SREBF1: variants seen among roughly 807,000 people sequenced by gnomAD.
SREBF1 encodes sterol regulatory element binding transcription factor 1.
A neutral mutation model predicts 100.1 loss-of-function variants in SREBF1; 45 were observed. That is an observed-to-expected ratio of 0.45 (90% CI 0.35 to 0.58). SREBF1 has a LOEUF of 0.58. Among genes scored for constraint, SREBF1 ranks in the 20% least tolerant of loss-of-function variants. SREBF1 has a pLI of 0.00. For synonymous variants in SREBF1, 657 were observed against 681.8 expected (o/e 0.96, Z 0.57); for missense variants, 1,324 against 1,539.4 (o/e 0.86, Z 2.34).
chr17:17,836,560 G>GGAGGCTCGGT (rs1171235789), intron 1 of SREBF1, among the ~76,000 whole-genome samples, 167 bp downstream of exon 1: 18 of 152,172 alleles, frequency 1.2e-4, no homozygotes. Context: ...CGGGAACCAG[G>GGAGGCTCGGT]GAGGCTCGGT....
At chr17:17,815,659 A>G (rs569500037) in intron 12 of SREBF1, 107 of 625,764 alleles carry the variant, frequency 1.7e-4, no homozygotes, top group Non-Finnish European at 2.7e-4. Flanking sequence ...CTGCCCATCA[A>G]TCCCTGCATG....
intron 1 of SREBF1, among the ~76,000 whole-genome samples, chr17:17,833,438 A>G (rs2035007251): frequency 8.0e-6 from 1 of 125,680 alleles, no homozygotes; most frequent in East Asian, 2.3e-4. Context: ...AAAAAAAAAA[A>G]AAAAAAAAAA....
chr17:17,812,253 C>A lies in SREBF1; in HGVS notation c.*369G>T. ...GAGAGGCCTCTGGGGCAGAGCCCTG[C>A]TTGCAGTCCGGGAAAGCCAAGTTGG... On this transcript the variant is annotated 3_prime_UTR_variant, in exon 19 of 19. Coordinates refer to ENST00000261646, the MANE Select transcript of SREBF1 (RefSeq NM_004176.5). 1 of 411,588 alleles carries A rather than the reference C, an allele frequency of 2.4e-6. No individual in the cohort carries two copies. The highest frequency in any genetic ancestry group is 4.4e-6 in the Non-Finnish European group (1 of 225,316). The allele number at this position is 411,588 out of a possible 1,614,324, so 25.5% of individuals were successfully genotyped here. A position where few individuals can be genotyped will look rare whatever the true frequency, so the allele number is the denominator to read the frequency against.
chr17:17,814,325 TG>T lies in SREBF1; in HGVS notation c.2820del (p.Ser941AlafsTer2). The T allele has an allele frequency of 6.3e-7, 1 of 1,593,162 alleles. No homozygotes were observed. Among genetic ancestry groups the T allele is most frequent in the Non-Finnish European group, 8.5e-7 (1 of 1,170,166 alleles). On this transcript the variant is annotated frameshift_variant, in exon 16 of 19. Coordinates refer to ENST00000261646, the MANE Select transcript of SREBF1 (RefSeq NM_004176.5). LOFTEE classifies it high-confidence loss of function. Reference sequence around the variant, plus strand: ...CTGGCCTTCTCACAGATGGTCAGGCTGGCTGGACCAGACTCTGCCTTGGCAC... The same window carrying T: ...CTGGCCTTCTCACAGATGGTCAGGCTGCTGGACCAGACTCTGCCTTGGCAC... ...LGCAKAESGPASLTICEKASG... is the reference protein window; with the variant it reads ...LGCAKAESGPXSLTICEKASG...
rs989453047 is a variant in SREBF1, at chr17:17,827,820, G to A, written c.92-7299C>T. ...GGGGACAGCAGTGAGCCCCAACTCC[G>A]GCCTGCCTCTGCCCTGACCAGCTAT... On this transcript the variant is annotated intron_variant, in intron 1 of 18. Transcript: ENST00000261646. Among the ~76,000 whole-genome samples, 9 of 152,200 alleles carry A rather than the reference G, an allele frequency of 5.9e-5. 1 individual carries two copies. Among genetic ancestry groups the A allele is most frequent in the Admixed American group, 4.6e-4 (7 of 15,290 alleles).
chr17:17,813,880 A>G (rs1447123639), intron 16 of SREBF1, 111 bp from the exon 17 acceptor site: 1 of 1,125,500 alleles, frequency 8.9e-7, no homozygotes, highest in Admixed American at 2.1e-5. Context: ...GAGGCACTGC[A>G]CCCGCCTCAC....
At chr17:17,834,227 G>T (rs938579079) in intron 1 of SREBF1, among the ~76,000 whole-genome samples, 60 of 152,110 alleles carry the variant, frequency 3.9e-4, no homozygotes, top group African/African-American at 1.4e-3. Context: ...GAGTAGCTGA[G>T]ACTACAGGCA....
Position 17,812,228 on chromosome 17 carries a change from G to T in SREBF1, c.*394C>A. ...ACACGTCTCTCTCCCACGACGGAGA[G>T]AGAGGCCTCTGGGGCAGAGCCCTGC... is the stretch of plus-strand genomic sequence containing the variant. On this transcript the variant is annotated 3_prime_UTR_variant, in exon 19 of 19. Transcript: ENST00000261646. 2.5e-6 allele frequency: 1 copy of T among 402,840 alleles called. No individual in the cohort carries two copies. The allele number at this position is 402,840 out of a possible 1,614,324, so 25.0% of individuals were successfully genotyped here. A position where few individuals can be genotyped will look rare whatever the true frequency, so the allele number is the denominator to read the frequency against.
At chr17:17,836,236 C>G (rs1485417519) in intron 1 of SREBF1, among the ~76,000 whole-genome samples, 3 of 152,162 alleles carry the variant, frequency 2.0e-5, no homozygotes, top group Non-Finnish European at 4.4e-5. Flanking sequence ...GAACCCGACA[C>G]GAGGCGGGGG....
rs778854295 is a variant in SREBF1 at position 17,819,741 on chromosome 17, A to T, written c.524-16T>A. Reference sequence around the variant, plus strand: ...GGAGGGCTTCCTGCAGAAATAAAGCATGGGGCTGCAGACACAGACCTCCCT... The same window carrying T: ...GGAGGGCTTCCTGCAGAAATAAAGCTTGGGGCTGCAGACACAGACCTCCCT... On this transcript the variant is annotated splice_polypyrimidine_tract_variant and intron_variant, in intron 2 of 18. Coordinates refer to ENST00000261646, the MANE Select transcript of SREBF1 (RefSeq NM_004176.5). The T allele has an allele frequency of 6.3e-6, 10 of 1,584,458 alleles. No homozygotes were observed. In the Admixed American group the frequency reaches 1.2e-4, roughly 19 times the overall value.
At chr17:17,815,772 G>T in intron 12 of SREBF1, 88 bp downstream of exon 12, 1 of 1,406,526 alleles carries the variant, frequency 7.1e-7, no homozygotes, top group African/African-American at 1.4e-5. Context: ...GGGGTGGCCA[G>T]AGACAGCCAG....
chr17:17,823,652 G>C, intron 1 of SREBF1: 1 of 1,446,612 alleles, frequency 6.9e-7, no homozygotes, highest in Non-Finnish European at 9.4e-7. Context: ...GCGCTGCGGC[G>C]CGCCCGCCCC....
chr17:17,816,675 C>G lies in SREBF1; in HGVS notation c.1829G>C (p.Arg610Pro). Residue 610 changes from arginine to proline, a missense_variant, in exon 10 of 19, where the codon CGG becomes CCG. Arg to Pro is a moderately radical substitution (Grantham distance 103). Coordinates refer to ENST00000261646, the MANE Select transcript of SREBF1 (RefSeq NM_004176.5). ...QAAQQLWLAL[R>P]ALGRPLPTSH... ...GGTGGGCAGGGGCCGGCCCAGTGCC[C>G]GCAGGGCCAGCCACAGCTGCTGGGC... The G allele has an allele frequency of 6.3e-7, 1 of 1,582,038 alleles. No individual in the cohort carries two copies. The highest frequency in any genetic ancestry group is 8.6e-7 in the Non-Finnish European group (1 of 1,165,496).
In SREBF1 at chr17:17,817,410, G is replaced by A. The variant is rs745442700; in HGVS notation, c.1452C>T (p.Asp484=). The change falls in exon 8 of 19, where the codon GAC becomes GAT. Residue 484 remains aspartate, a synonymous_variant. Coordinates refer to ENST00000261646, the MANE Select transcript of SREBF1 (RefSeq NM_004176.5). The surrounding 1 kb of genome is among the most constrained non-coding windows in gnomAD (Gnocchi z 6.6). The part of the protein sequence containing the change: ...RPSLHSRGML[D]RSRLALCTLV... ...GCGTGCACAGGGCCAGGCGGGAGCG[G>A]TCCAGCATGCCCCGGCTGTGCAGAG... The A allele has an allele frequency of 6.3e-7, 1 of 1,599,810 alleles. No homozygotes were observed. The highest frequency in any genetic ancestry group is 8.5e-7 in the Non-Finnish European group (1 of 1,173,408).
chr17:17,835,985 C>T (rs2035198480), intron 1 of SREBF1, among the ~76,000 whole-genome samples: 4 of 152,248 alleles, frequency 2.6e-5, no homozygotes, highest in Admixed American at 2.6e-4. Flanking sequence ...GGGTGACCCT[C>T]AGGTCTCAGC....
intron 1 of SREBF1, among the ~76,000 whole-genome samples, chr17:17,823,813 C>A (rs1190103938): frequency 2.6e-5 from 4 of 151,696 alleles, no homozygotes; most frequent in African/African-American, 9.7e-5. Flanking sequence ...GGCCCCGGCC[C>A]CCGCCCCACC....
intron 16 of SREBF1, 190 bp downstream of exon 16, chr17:17,814,055 G>A: frequency 1.4e-6 from 1 of 702,532 alleles, no homozygotes; most frequent in Middle Eastern, 4.0e-4. Context: ...GGAAACTGAG[G>A]CCAGATAGGG....
At chr17:17,813,873 G>A (rs1272832890) in intron 16 of SREBF1, 104 bp from the exon 17 acceptor site, 2 of 1,190,688 alleles carry the variant, frequency 1.7e-6, no homozygotes, top group Admixed American at 2.1e-5. Context: ...CACTGCCGAG[G>A]CACTGCACCC....
At position 17,821,189 on chromosome 17, in the gene SREBF1, G is replaced by A. The variant is rs1486110204; in HGVS notation, c.92-668C>T. 3.4e-5 allele frequency among the ~76,000 whole-genome samples: 5 copies of A among 146,616 alleles called. No homozygotes were observed. In the South Asian group the frequency reaches 6.3e-4, roughly 19 times the overall value. On this transcript the variant is annotated intron_variant, in intron 1 of 18. Coordinates refer to ENST00000261646, the MANE Select transcript of SREBF1 (RefSeq NM_004176.5). Reference sequence around the variant, plus strand: ...CACACACACACATACACACTGCACCGTGGACTCAGACCAGCTTCCAAGCAT... The same window carrying A: ...CACACACACACATACACACTGCACCATGGACTCAGACCAGCTTCCAAGCAT...
Sources: gnomAD v4.1 joint callset for allele counts (sites outside exome capture counted in the v4.1 genomes callset) on GRCh38, gnomAD v4.1.1 for gene constraint, Gnocchi (gnomAD v3.1) non-coding constraint, MANE v1.5 for transcripts, NCBI Gene and HGNC (gene_info 2026-07-23, HGNC 2026-07-21) for gene names.